Variants in SENP6 observed in about 807,000 individuals in gnomAD.
SENP6 encodes sentrin-specific protease 6.
Under a neutral mutation model 134.5 loss-of-function variants are expected in SENP6, and 41 were observed. The observed-to-expected ratio is 0.30, with a 90% CI of 0.24 to 0.40. The LOEUF is 0.40. SENP6 is among the 10% of genes least tolerant of loss of function. The probability of loss-of-function intolerance (pLI) is 1.00; values close to 1 mark genes in which losing one functional copy is unlikely to be tolerated. For synonymous variants in SENP6, 395 were observed against 429.8 expected, an observed-to-expected ratio of 0.92 and a Z score of 1.00; for missense variants, 1,248 against 1,312.5, an observed-to-expected ratio of 0.95 and a Z score of 0.76.
intron 5 of SENP6, among the ~76,000 whole-genome samples, chr6:75,636,231 T>G (rs1266639896): frequency 6.6e-6 from 1 of 152,194 alleles, no homozygotes; most frequent in Non-Finnish European, 1.5e-5. Context: ...AGTTAATTTG[T>G]ATTTAAGAAA....
At chr6:75,629,311 A>AT (rs993716579) in intron 3 of SENP6, among the ~76,000 whole-genome samples, 3 of 150,432 alleles carry the variant, frequency 2.0e-5, no homozygotes, top group Admixed American at 2.0e-4. Flanking sequence ...TTTTATTTTT[A>AT]TTTTTTTTGA....
intron 18 of SENP6, 125 bp downstream of exon 18, chr6:75,697,642 A>G (rs1774746983): frequency 4.7e-6 from 3 of 635,218 alleles, no homozygotes; most frequent in Non-Finnish European, 8.2e-6. Flanking sequence ...GTGTATATTC[A>G]TATTTGTACT....
At position 75,659,290 on chromosome 6, in the gene SENP6, C is replaced by T. The variant is rs549664208; in HGVS notation, c.579C>T (p.Ser193=). ...VERIMKKTEE[S]ESQVEPEIKR... Reference sequence around the variant, plus strand: ...GTATAATGAAGAAAACAGAAGAGTCCGAATCACAAGTGGAGCCTGAAATTA... The same window carrying T: ...GTATAATGAAGAAAACAGAAGAGTCTGAATCACAAGTGGAGCCTGAAATTA... The change falls in exon 8 of 24, where the codon TCC becomes TCT. Residue 193 remains serine (S), a synonymous_variant. Coordinates refer to ENST00000447266, the MANE Select transcript of SENP6 (RefSeq NM_015571.4). 11 of 1,611,858 alleles carry T rather than the reference C, an allele frequency of 6.8e-6. No homozygotes were observed. The African/African-American group carries it at 8.0e-5, about 12-fold the overall frequency.
chr6:75,642,993 G>T (rs1770146442), intron 6 of SENP6, among the ~76,000 whole-genome samples: 1 of 152,090 alleles, frequency 6.6e-6, no homozygotes, highest in South Asian at 2.1e-4. Flanking sequence ...GATTTTGAAG[G>T]TCTCATCCCA....
At chr6:75,647,321 T>A (rs1439879650) in intron 6 of SENP6, 2 of 156,256 alleles carry the variant, frequency 1.3e-5, no homozygotes, top group African/African-American at 2.4e-5. Context: ...AAATCCTTGA[T>A]ATTGTGTGTA....
At chr6:75,605,173 A>G (rs1766939793) in intron 1 of SENP6, among the ~76,000 whole-genome samples, 2 of 152,252 alleles carry the variant, frequency 1.3e-5, no homozygotes, top group South Asian at 4.1e-4. Flanking sequence ...CCTAGGATTT[A>G]ATATTAAGAC....
At chr6:75,711,167 G>T (rs952720521) in intron 20 of SENP6, among the ~76,000 whole-genome samples, 161 bp from the exon 21 acceptor site, 1 of 152,122 alleles carries the variant, frequency 6.6e-6, no homozygotes, top group Non-Finnish European at 1.5e-5. Context: ...TGGATAATTG[G>T]AATTAAGTAA....
At chr6:75,679,446 A>C (rs1773315383) in intron 16 of SENP6, 1 of 155,002 alleles carries the variant, frequency 6.5e-6, no homozygotes, top group Non-Finnish European at 1.4e-5. Flanking sequence ...GAATTAAATG[A>C]GATCGTACAT....
chr6:75,631,148 CAGAATT>C (rs1308596251), intron 3 of SENP6, among the ~76,000 whole-genome samples: 1 of 151,750 alleles, frequency 6.6e-6, no homozygotes, highest in Non-Finnish European at 1.5e-5. Flanking sequence ...CTTTGTTTTT[CAGAATT>C]TAAGTGCTTT....
chr6:75,647,447 G>T, intron 6 of SENP6: 1 of 231,620 alleles, frequency 4.3e-6, no homozygotes, highest in South Asian at 6.0e-5. Flanking sequence ...GATCTTGTAC[G>T]TAACGTTTTT....
intron 5 of SENP6, among the ~76,000 whole-genome samples, chr6:75,637,559 C>T (rs1382685501): frequency 6.6e-6 from 1 of 152,036 alleles, no homozygotes; most frequent in African/African-American, 2.4e-5. Flanking sequence ...CATCCCTGCC[C>T]CTAACTTCAA....
intron 16 of SENP6, among the ~76,000 whole-genome samples, chr6:75,695,105 A>C (rs945425271): frequency 1.3e-5 from 2 of 151,660 alleles, no homozygotes; most frequent in South Asian, 2.1e-4. Context: ...TGAGCTCCCA[A>C]CCTCAGGTGA....
intron 3 of SENP6, among the ~76,000 whole-genome samples, chr6:75,629,393 A>G (rs1273452967): frequency 6.6e-6 from 1 of 151,958 alleles, no homozygotes; most frequent in Non-Finnish European, 1.5e-5. Context: ...TCGCCTTCCC[A>G]GGTTCAAGCA....
intron 2 of SENP6, among the ~76,000 whole-genome samples, chr6:75,623,564 A>G (rs1768435390): frequency 6.6e-6 from 1 of 152,232 alleles, no homozygotes; most frequent in Admixed American, 6.5e-5. Flanking sequence ...AAAATGAATG[A>G]GAATATATAA....
chr6:75,615,017 A>G (rs772786015), intron 1 of SENP6, among the ~76,000 whole-genome samples: 6 of 151,932 alleles, frequency 3.9e-5, no homozygotes, highest in African/African-American at 9.7e-5. Context: ...CAGCCTCCCA[A>G]TTAGCTGGGA....
At chr6:75,714,364 AT>A (rs1323208656) in intron 23 of SENP6, among the ~76,000 whole-genome samples, 6 of 152,088 alleles carry the variant, frequency 3.9e-5, no homozygotes, top group Non-Finnish European at 8.8e-5. Flanking sequence ...CTTTACTCTG[AT>A]CTTGGCTCCT....
intron 13 of SENP6, among the ~76,000 whole-genome samples, chr6:75,676,316 C>G (rs1333234592): frequency 6.6e-6 from 1 of 152,138 alleles, no homozygotes; most frequent in African/African-American, 2.4e-5. Context: ...AAAAGATCTG[C>G]ACTCTTAACT....
Position 75,689,830 on chromosome 6 carries a change from C to CACAACTTCAAATTACCTCATGATGCCTT in SENP6, c.2076-5973_2076-5946dup, listed in dbSNP as rs556727664. Among the ~76,000 whole-genome samples, 1,087 of 152,232 alleles carry CACAACTTCAAATTACCTCATGATGCCTT rather than the reference C, an allele frequency of 7.1e-3. 7 individuals are homozygous for CACAACTTCAAATTACCTCATGATGCCTT. Among genetic ancestry groups the CACAACTTCAAATTACCTCATGATGCCTT allele is most frequent in the African/African-American group, 0.025 (1,044 of 41,504 alleles). Reference sequence around the variant, plus strand: ...GATTGTATAAGTACACTCGATGATGCACAACTTCAAATTACCTCATGATGC... The same window carrying CACAACTTCAAATTACCTCATGATGCCTT: ...GATTGTATAAGTACACTCGATGATGCACAACTTCAAATTACCTCATGATGCCTTACAACTTCAAATTACCTCATGATGC... On this transcript the variant is annotated intron_variant, in intron 16 of 23. Transcript: ENST00000447266.
At chr6:75,687,842 C>T (rs1773955860) in intron 16 of SENP6, among the ~76,000 whole-genome samples, 1 of 152,192 alleles carries the variant, frequency 6.6e-6, no homozygotes, top group Non-Finnish European at 1.5e-5. Context: ...CCCAGTTAGG[C>T]TACACAGGGG....
Sources: gnomAD v4.1 joint callset for allele counts (sites outside exome capture counted in the v4.1 genomes callset) on GRCh38, gnomAD v4.1.1 for gene constraint, MANE v1.5 for transcripts, NCBI Gene and HGNC (gene_info 2026-07-23, HGNC 2026-07-21) for gene names.